The following MCAT variants were observed in gnomAD, a reference collection of about 807,000 sequenced individuals.
MCAT encodes malonyl-CoA-acyl carrier protein transacylase, mitochondrial.
A neutral mutation model predicts 22.9 loss-of-function variants in MCAT; 22 were observed. The ratio of observed to expected loss-of-function variants is 0.96; its 90% CI spans 0.69 to 1.37. MCAT has a LOEUF of 1.37. MCAT is among the 40% of genes most tolerant of loss of function. The pLI is 0.00. For missense variants in MCAT, 534 were observed against 533.6 expected (o/e 1.00, Z -0.01); for synonymous variants, 240 against 233.9 (o/e 1.03, Z -0.24).
chr22:43,138,693 T>C (rs2147035638), intron 2 of MCAT, among the ~76,000 whole-genome samples: 1 of 152,158 alleles, frequency 6.6e-6, no homozygotes, highest in Middle Eastern at 3.4e-3. Context: ...GCTGTGTTCA[T>C]GCCACTGTAT....
intron 2 of MCAT, among the ~76,000 whole-genome samples, chr22:43,140,592 A>T (rs143728758): frequency 1.0e-3 from 155 of 152,124 alleles, no homozygotes; most frequent in Non-Finnish European, 2.0e-3. Context: ...TCAAACATCT[A>T]TCTGCCTCTG....
intron 1 of MCAT, among the ~76,000 whole-genome samples, chr22:43,141,944 G>T (rs1230384580): frequency 6.6e-6 from 1 of 152,232 alleles, no homozygotes. Context: ...GCGGATGAGA[G>T]AATTATGTGA....
intron 2 of MCAT, among the ~76,000 whole-genome samples, chr22:43,138,869 C>T (rs1930693306): frequency 6.6e-6 from 1 of 152,196 alleles, no homozygotes; most frequent in South Asian, 2.1e-4. Flanking sequence ...CAGTGTTTCA[C>T]AGGTCAACAG....
chr22:43,134,036 G>A (rs919414446), intron 3 of MCAT, among the ~76,000 whole-genome samples: 23 of 152,100 alleles, frequency 1.5e-4, no homozygotes, highest in Non-Finnish European at 2.6e-4. Flanking sequence ...AAAGTGCTGG[G>A]ATTACAGGCA....
At chr22:43,135,513 A>AC (rs201319110) in intron 3 of MCAT, among the ~76,000 whole-genome samples, 2,029 of 149,922 alleles carry the variant, frequency 0.014, 66 homozygotes, top group African/African-American at 0.048. Flanking sequence ...CAAAAAACAA[A>AC]AAAAAAAAAA....
At chr22:43,139,892 C>T (rs1344473376) in intron 2 of MCAT, among the ~76,000 whole-genome samples, 4 of 152,048 alleles carry the variant, frequency 2.6e-5, no homozygotes, top group Non-Finnish European at 5.9e-5. Flanking sequence ...TAATTCTGCA[C>T]ATTATGTACA....
rs377595442 is a variant in MCAT, at chr22:43,133,229, C to T, written c.987G>A (p.Thr329=). Residue 329 remains threonine, a synonymous_variant, in exon 4 of 4, where the codon ACG becomes ACA. Coordinates refer to ENST00000290429, the MANE Select transcript of MCAT (RefSeq NM_173467.5). ...TTTTCCTTTCGTATATGGCATGCAT[C>T]GTCTGCTCCCACTTCACTGGGGAGA... ...QLVSPVKWEQ[T]MHAIYERKKG... 2.0e-5 allele frequency: 32 copies of T among 1,614,098 alleles called. No individual in the cohort carries two copies. Among genetic ancestry groups the T allele is most frequent in the South Asian group, 3.3e-5 (3 of 91,084 alleles).
chr22:43,134,495 G>A (rs149298520), intron 3 of MCAT, among the ~76,000 whole-genome samples: 410 of 152,222 alleles, frequency 2.7e-3, no homozygotes, highest in Middle Eastern at 6.8e-3. Flanking sequence ...CTATAAGCAT[G>A]TACCACCACG....
intron 2 of MCAT, among the ~76,000 whole-genome samples, chr22:43,139,085 C>T (rs1439605175): frequency 6.6e-6 from 1 of 151,566 alleles, no homozygotes; most frequent in African/African-American, 2.4e-5. Context: ...GCACTCAAGG[C>T]TGGAAGACAG....
chr22:43,143,152 A>G lies in MCAT; in HGVS notation c.197T>C (p.Leu66Pro). The change falls in exon 1 of 4, where the codon CTC (leucine) becomes CCC (proline). Residue 66 changes from leucine (L) to proline (P), a missense_variant. Transcript: ENST00000290429. ...CACCTGGCTGCCCTGGCCCGGGAAG[A>G]GCAGCACGGAGCACTGGCCCGGCAT... ...RRMPGQCSVL[L>P]FPGQGSQVVG... is the part of the protein sequence containing the mutation. 6.3e-7 allele frequency: 1 copy of G among 1,581,512 alleles called. No individual in the cohort carries two copies. Among genetic ancestry groups the G allele is most frequent in the Non-Finnish European group, 8.5e-7 (1 of 1,170,676 alleles).
chr22:43,135,510 C>CG (rs1480749385), intron 3 of MCAT, among the ~76,000 whole-genome samples: 25 of 76,380 alleles, frequency 3.3e-4, no homozygotes, highest in Middle Eastern at 0.016. Flanking sequence ...TCTCAAAAAA[C>CG]AAAAAAAAAA....
rs115048267 is a variant in MCAT at position 43,142,316 on chromosome 22, A to G, written c.423+610T>C. 2.0e-3 allele frequency among the ~76,000 whole-genome samples: 296 copies of G among 149,464 alleles called. 2 individuals carry two copies. Among genetic ancestry groups the G allele is most frequent in the African/African-American group, 6.1e-3 (246 of 40,482 alleles). On this transcript the variant is annotated intron_variant, in intron 1 of 3. Coordinates refer to ENST00000290429, the MANE Select transcript of MCAT (RefSeq NM_173467.5). ...GGCCGAGGTGGGTGAACCTGGGAGG[A>G]TTTAAGTAAAGAATAAAAAAATTAG... is the stretch of plus-strand genomic sequence containing the variant.
chr22:43,137,965 C>T (rs1343229434), intron 2 of MCAT, among the ~76,000 whole-genome samples: 2 of 152,122 alleles, frequency 1.3e-5, no homozygotes. Flanking sequence ...GTGGCTTATG[C>T]CTGTAATCCC....
rs1299804663 is a variant in MCAT at position 43,143,352 on chromosome 22, C to T, written c.-4G>A. On this transcript the variant is annotated 5_prime_UTR_variant, in exon 1 of 4. Coordinates refer to ENST00000290429, the MANE Select transcript of MCAT (RefSeq NM_173467.5). ...CCCGTGCGACCCGGACGCTCATGGT[C>T]GGACACCTGCCCGCGCGCGTTACCG... is the stretch of plus-strand genomic sequence containing the variant. The T allele has an allele frequency of 7.3e-7, 1 of 1,364,546 alleles. No individual in the cohort carries two copies. The highest frequency in any genetic ancestry group is 9.4e-7 in the Non-Finnish European group (1 of 1,065,460). 84.5% of individuals were successfully genotyped at this position (1,364,546 alleles called of 1,614,324 possible).
rs1284612568 is a variant in MCAT at position 43,142,795 on chromosome 22, AC to A, written c.423+130del. 4.5e-5 allele frequency: 46 copies of A among 1,030,938 alleles called. No individual in the cohort carries two copies. The African/African-American group carries it at 6.9e-4, about 15-fold the overall frequency. 63.9% of individuals were successfully genotyped at this position (1,030,938 alleles called of 1,614,324 possible). ...GTCTCAAAAAAAAAAACAAAAACAA[AC>A]AAAAAAAAAAACTCGATCGAATGAG... On this transcript the variant is annotated intron_variant, in intron 1 of 3. Transcript: ENST00000290429.
intron 3 of MCAT, among the ~76,000 whole-genome samples, chr22:43,135,746 G>T (rs1930590659): frequency 6.6e-6 from 1 of 152,148 alleles, no homozygotes; most frequent in South Asian, 2.1e-4. Flanking sequence ...AGAGGCTCCT[G>T]CCAGCTCTCA....
intron 3 of MCAT, 66 bp downstream of exon 3, chr22:43,137,015 G>GCCTA: frequency 1.5e-6 from 2 of 1,375,122 alleles, no homozygotes; most frequent in Non-Finnish European, 2.1e-6. Context: ...AGGCCTCACG[G>GCCTA]GTGTGGAGCA....
chr22:43,142,622 TA>T (rs1272658297), intron 1 of MCAT, among the ~76,000 whole-genome samples: 1 of 151,362 alleles, frequency 6.6e-6, no homozygotes, highest in African/African-American at 2.4e-5. Flanking sequence ...CCGTCTCTAC[TA>T]AAAATACAAA....
At position 43,143,218 on chromosome 22, in the gene MCAT, C is replaced by A. The variant is rs1235186255; in HGVS notation, c.131G>T (p.Gly44Val). 2 of 1,524,462 alleles carry A rather than the reference C, an allele frequency of 1.3e-6. No homozygotes were observed. The highest frequency in any genetic ancestry group is 2.5e-5 in the South Asian group (2 of 81,518). 94.4% of individuals were successfully genotyped at this position (1,524,462 alleles called of 1,614,324 possible). A position where few individuals can be genotyped will look rare whatever the true frequency, so the allele number is the denominator to read the frequency against. ...GVAELLRDAT[G>V]AEEEAPWAAT... ...CGCCCAGGGCGCCTCCTCCTCCGCC[C>A]CGGTCGCATCTCGCAGCAGCTCCGC... The change falls in exon 1 of 4, where the codon GGG becomes GTG. Residue 44 changes from glycine to valine, a missense_variant. Transcript: ENST00000290429.
Sources: allele counts gnomAD v4.1 joint callset (sites outside exome capture counted in the v4.1 genomes callset), GRCh38; gene constraint gnomAD v4.1.1; transcripts MANE v1.5; gene names NCBI Gene and HGNC (gene_info 2026-07-23, HGNC 2026-07-21).